Variants in PTPN14 observed in about 807,000 individuals in gnomAD.
PTPN14 encodes the protein protein tyrosine phosphatase non-receptor type 14.
A neutral mutation model predicts 126.8 loss-of-function variants in PTPN14; 53 were observed. That is an observed-to-expected ratio of 0.42 (90% confidence interval 0.34 to 0.53). The LOEUF (loss-of-function observed/expected upper bound fraction) is 0.53. PTPN14 is among the 20% of genes least tolerant of loss of function. The pLI, the probability that PTPN14 is intolerant of heterozygous loss-of-function variation, is 0.08. For synonymous variants in PTPN14, 630 were observed against 599.3 expected (o/e 1.05, Z -0.75); for missense variants, 1,257 against 1,552.9 (o/e 0.81, Z 3.20).
rs761195603 is a variant in PTPN14, at chr1:214,414,731, T to C, written c.345-5A>G. On this transcript the variant is annotated splice_polypyrimidine_tract_variant and splice_region_variant and intron_variant, in intron 3 of 18. Coordinates refer to ENST00000366956, the MANE Select transcript of PTPN14 (RefSeq NM_005401.5). ...ACTTGCAGGTAATACTGATATCTGTTCATGGGAATAGAGGAACAAACAACC... is the reference window on the plus strand; with the variant it reads ...ACTTGCAGGTAATACTGATATCTGTCCATGGGAATAGAGGAACAAACAACC... The C allele has an allele frequency of 6.2e-7, 1 of 1,606,010 alleles. No individual in the cohort carries two copies. The highest frequency in any genetic ancestry group is 1.3e-5 in the African/African-American group (1 of 74,726).
intron 3 of PTPN14, among the ~76,000 whole-genome samples, chr1:214,446,666 A>G (rs1660147905): frequency 6.6e-6 from 1 of 152,184 alleles, no homozygotes; most frequent in South Asian, 2.1e-4. Flanking sequence ...AAATTAAATA[A>G]ACAGCTTTTA....
intron 2 of PTPN14, among the ~76,000 whole-genome samples, chr1:214,453,026 T>C (rs1660304558): frequency 6.6e-6 from 1 of 152,208 alleles, no homozygotes; most frequent in Admixed American, 6.5e-5. Context: ...CATGAAGCTA[T>C]GACTCTGACT....
intron 3 of PTPN14, among the ~76,000 whole-genome samples, chr1:214,428,644 T>A (rs1478273157): frequency 1.3e-5 from 2 of 152,200 alleles, no homozygotes; most frequent in East Asian, 3.8e-4. Context: ...ATTTGACTTT[T>A]GAGTCCAGAT....
intron 1 of PTPN14, among the ~76,000 whole-genome samples, chr1:214,511,504 A>T (rs1313411574): frequency 6.6e-6 from 1 of 152,102 alleles, no homozygotes; most frequent in African/African-American, 2.4e-5. Flanking sequence ...AAAAAATAGA[A>T]AGAAAAGAAA....
intron 1 of PTPN14, among the ~76,000 whole-genome samples, chr1:214,497,378 A>C (rs1163293412): frequency 6.6e-6 from 1 of 152,208 alleles, no homozygotes; most frequent in Non-Finnish European, 1.5e-5. Flanking sequence ...AAAATTAAAG[A>C]GATCATTTTC....
intron 1 of PTPN14, among the ~76,000 whole-genome samples, chr1:214,492,368 A>G (rs1202142650): frequency 6.6e-6 from 1 of 152,224 alleles, no homozygotes; most frequent in Non-Finnish European, 1.5e-5. Flanking sequence ...CAGCATCTGT[A>G]AATTCAACCC....
rs1660844701 is a variant in PTPN14 at position 214,475,308 on chromosome 1, G to A, written c.-154-10351C>T. On this transcript the variant is annotated intron_variant, in intron 1 of 18. Coordinates refer to ENST00000366956, the MANE Select transcript of PTPN14 (RefSeq NM_005401.5). ...TGGATTTCACTAGATAAAACCAAAA[G>A]CAATAGTTTTTCCCTTCCTTATTAA... Among the ~76,000 whole-genome samples, 8 of 152,106 alleles carry A rather than the reference G, an allele frequency of 5.3e-5. No homozygotes were observed. The South Asian group carries it at 1.7e-3, about 31-fold the overall frequency.
intron 1 of PTPN14, among the ~76,000 whole-genome samples, chr1:214,495,452 T>G (rs566399244): frequency 1.3e-5 from 2 of 152,024 alleles, no homozygotes; most frequent in East Asian, 1.9e-4. Context: ...AAACCAAAAT[T>G]TAATTCAAAT....
intron 15 of PTPN14, among the ~76,000 whole-genome samples, chr1:214,375,296 T>C (rs1658320116): frequency 6.6e-6 from 1 of 152,204 alleles, no homozygotes; most frequent in African/African-American, 2.4e-5. Flanking sequence ...TCTGCTACAG[T>C]TGAAAAGTCC....
intron 1 of PTPN14, among the ~76,000 whole-genome samples, chr1:214,486,797 T>C (rs1314868912): frequency 1.3e-5 from 2 of 152,124 alleles, no homozygotes; most frequent in Non-Finnish European, 2.9e-5. Context: ...GTAGTGAACA[T>C]AGGCCAAACT....
chr1:214,399,733 C>T (rs1658972613), intron 7 of PTPN14, among the ~76,000 whole-genome samples: 1 of 152,064 alleles, frequency 6.6e-6, no homozygotes, highest in African/African-American at 2.4e-5. Context: ...TTTAGAACTC[C>T]CATTATTCAA....
In PTPN14 at chr1:214,519,334, T is replaced by C. The variant is rs1184771352; in HGVS notation, c.-155+31849A>G. ...ACCTTTATACAGCATTGCATTCCTG[T>C]ATCAAAGCCCTCACCACTCCAAAAA... is the stretch of plus-strand genomic sequence containing the variant. On this transcript the variant is annotated intron_variant, in intron 1 of 18. Coordinates refer to ENST00000366956, the MANE Select transcript of PTPN14 (RefSeq NM_005401.5). Among the ~76,000 whole-genome samples the C allele has an allele frequency of 2.0e-5, 3 of 152,268 alleles. No homozygotes were observed. The East Asian group carries it at 5.8e-4, about 29-fold the overall frequency.
rs1489907783 is a variant in PTPN14, at chr1:214,383,934, G to A, written c.1921C>T (p.His641Tyr). The A allele has an allele frequency of 3.1e-6, 5 of 1,613,184 alleles. No homozygotes were observed. In the South Asian group the frequency reaches 4.4e-5, roughly 14 times the overall value. Residue 641 changes from histidine to tyrosine, a missense_variant, in exon 13 of 19, where the codon CAC (histidine) becomes TAC (tyrosine). His to Tyr is a moderately conservative substitution (Grantham distance 83, BLOSUM62 2). Transcript: ENST00000366956. The surrounding 1 kb of genome is among the most constrained non-coding windows in gnomAD (Gnocchi z 4.4). ...TKHHGTVNKR[H>Y]SLEVMNSMVR... ...ATGCTGTTCATCACCTCCAGGCTGT[G>A]GCGCTTGTTCACAGTGCCGTGGTGC...
intron 3 of PTPN14, among the ~76,000 whole-genome samples, chr1:214,437,796 C>G (rs1659953236): frequency 6.6e-6 from 1 of 152,184 alleles, no homozygotes; most frequent in African/African-American, 2.4e-5. Context: ...CCAAAATCCC[C>G]CCTGAGATTC....
Position 214,383,278 on chromosome 1 carries a change from CT to C in PTPN14, c.2544+32del, listed in dbSNP as rs1337565661. On this transcript the variant is annotated intron_variant, in intron 13 of 18. Transcript: ENST00000366956. The surrounding 1 kb of genome is among the most constrained non-coding windows in gnomAD (Gnocchi z 4.4). ...AGTGCCTGAAGCATGTGCTTTCACA[CT>C]GGAAAATGCCCTGGGAGAGGAGGAC... 4.4e-6 allele frequency: 7 copies of C among 1,588,132 alleles called. No individual in the cohort carries two copies. In the Admixed American group the frequency reaches 1.2e-4, roughly 27 times the overall value.
In PTPN14 at chr1:214,508,833, C is replaced by G. The variant is rs1235309272; in HGVS notation, c.-155+42350G>C. Among the ~76,000 whole-genome samples the G allele has an allele frequency of 4.6e-5, 7 of 152,178 alleles. No individual in the cohort carries two copies. In the East Asian group the frequency reaches 1.3e-3, roughly 29 times the overall value. On this transcript the variant is annotated intron_variant, in intron 1 of 18. Coordinates refer to ENST00000366956, the MANE Select transcript of PTPN14 (RefSeq NM_005401.5). Reference sequence around the variant, plus strand: ...GATGCTGTGTTAACAAGCATGAAAGCAACGTTCATCTTCTTATACATCTCC... The same window carrying G: ...GATGCTGTGTTAACAAGCATGAAAGGAACGTTCATCTTCTTATACATCTCC...
At chr1:214,511,129 C>T (rs1251588833) in intron 1 of PTPN14, among the ~76,000 whole-genome samples, 1 of 152,028 alleles carries the variant, frequency 6.6e-6, no homozygotes, top group Admixed American at 6.6e-5. Context: ...GTCAAGTGAT[C>T]CTCCTGCTTT....
intron 1 of PTPN14, among the ~76,000 whole-genome samples, chr1:214,514,938 T>G (rs1655062836): frequency 6.6e-6 from 1 of 152,172 alleles, no homozygotes; most frequent in African/African-American, 2.4e-5. Flanking sequence ...AAGCAGAACT[T>G]TGTTCGGTCG....
intron 15 of PTPN14, 64 bp from the exon 16 acceptor site, chr1:214,372,903 C>A: frequency 6.3e-7 from 1 of 1,596,154 alleles, no homozygotes; most frequent in Non-Finnish European, 8.5e-7. Flanking sequence ...CTGCTGATCA[C>A]CTGTCCATCT....
Sources: allele counts gnomAD v4.1 joint callset (sites outside exome capture counted in the v4.1 genomes callset), GRCh38; gene constraint gnomAD v4.1.1; non-coding constraint Gnocchi (gnomAD v3.1); transcripts MANE v1.5; gene names NCBI Gene and HGNC (gene_info 2026-07-23, HGNC 2026-07-21).